Variants in DAPK1 observed in about 807,000 individuals in gnomAD.
DAPK1 encodes the protein death-associated protein kinase 1.
In DAPK1, 56 loss-of-function variants were observed where a neutral mutation model predicts 144.9. The observed-to-expected ratio is 0.39, with a 90% CI of 0.31 to 0.48. The LOEUF (loss-of-function observed/expected upper bound fraction) is 0.48. Among genes scored for constraint, DAPK1 ranks in the 20% least tolerant of loss-of-function variants. The pLI is 0.95. For synonymous variants in DAPK1, 690 were observed against 749.0 expected (o/e 0.92, Z 1.29); for missense variants, 1,454 against 1,875.4 (o/e 0.78, Z 4.15).
chr9:87,565,123 G>A (rs1007188933), intron 2 of DAPK1, among the ~76,000 whole-genome samples: 3 of 152,158 alleles, frequency 2.0e-5, no homozygotes, highest in African/African-American at 7.2e-5. Flanking sequence ...CAAAGGGCCC[G>A]AGGTCACGAA....
chr9:87,517,753 C>T (rs989900325), intron 2 of DAPK1, among the ~76,000 whole-genome samples: 10 of 152,200 alleles, frequency 6.6e-5, no homozygotes, highest in African/African-American at 2.4e-4. Flanking sequence ...CCAGATCACT[C>T]TCTGCTAGCT....
intron 3 of DAPK1, among the ~76,000 whole-genome samples, chr9:87,614,772 G>A (rs4878109): frequency 0.28 from 42,318 of 152,024 alleles, 7,072 homozygotes; most frequent in African/African-American, 0.46. Flanking sequence ...TGTGGCTGCC[G>A]CCATCCTGGC....
At chr9:87,641,775 C>A (rs1172850167) in intron 9 of DAPK1, among the ~76,000 whole-genome samples, 194 bp from the exon 10 acceptor site, 1 of 152,170 alleles carries the variant, frequency 6.6e-6, no homozygotes, top group East Asian at 1.9e-4. Flanking sequence ...ATGGATGATA[C>A]GAAACCCTGA....
At chr9:87,651,490 G>T (rs747683207) in intron 16 of DAPK1, 37 bp from the exon 17 acceptor site, 1 of 1,608,172 alleles carries the variant, frequency 6.2e-7, no homozygotes, top group African/African-American at 1.3e-5. Context: ...ACATGCCCAA[G>T]TGAAAAGCTC....
At chr9:87,612,796 G>C (rs1828973633) in intron 3 of DAPK1, among the ~76,000 whole-genome samples, 1 of 152,180 alleles carries the variant, frequency 6.6e-6, no homozygotes, top group African/African-American at 2.4e-5. Context: ...TGGAGCGGGG[G>C]TGGGGGTTTG....
At chr9:87,614,818 C>T (rs1170486645) in intron 3 of DAPK1, among the ~76,000 whole-genome samples, 1 of 152,186 alleles carries the variant, frequency 6.6e-6, no homozygotes, top group Non-Finnish European at 1.5e-5. Context: ...AGCCAAGTCC[C>T]TTCCAGGCCC....
At chr9:87,641,869 G>A (rs1830108492) in intron 9 of DAPK1, 100 bp from the exon 10 acceptor site, 1 of 873,072 alleles carries the variant, frequency 1.1e-6, no homozygotes, top group Non-Finnish European at 1.8e-6. Flanking sequence ...TAAGGTGAAT[G>A]TGTAAGCATC....
chr9:87,651,764 G>A, intron 17 of DAPK1, 40 bp downstream of exon 17: 3 of 1,573,612 alleles, frequency 1.9e-6, no homozygotes, highest in South Asian at 2.3e-5. Context: ...TTCCAACTGT[G>A]TCCATCCACC....
Position 87,651,548 on chromosome 9 carries a change from C to G in DAPK1, c.1648C>G (p.Leu550Val). 2 of 1,614,180 alleles carry G rather than the reference C, an allele frequency of 1.2e-6. No homozygotes were observed. Among genetic ancestry groups the G allele is most frequent in the Non-Finnish European group, 1.7e-6 (2 of 1,180,028 alleles). The stretch of plus-strand genomic sequence containing the variant: ...CCAGGACGGACACATTGCCCTTCAT[C>G]TGGCTGTAAGACGGTGTCAGATGGA... ...CDKDGHIALH[L>V]AVRRCQMEVI... is the part of the protein sequence containing the mutation. Residue 550 changes from leucine (L) to valine (V), a missense_variant, in exon 17 of 26, where the codon CTG (leucine) becomes GTG (valine). Around this residue, in one of 2 missense-constraint regions of DAPK1, gnomAD observed 1,025 missense variants for 1,237.9 expected, o/e 0.83. Transcript: ENST00000408954.
intron 2 of DAPK1, among the ~76,000 whole-genome samples, chr9:87,515,793 G>T (rs1230184497): frequency 2.0e-5 from 3 of 152,148 alleles, no homozygotes; most frequent in East Asian, 1.9e-4. Flanking sequence ...CTTCCACCAG[G>T]GTGCTCTTGA....
At chr9:87,584,437 A>G (rs1250835340) in intron 2 of DAPK1, among the ~76,000 whole-genome samples, 4 of 152,060 alleles carry the variant, frequency 2.6e-5, no homozygotes, top group Admixed American at 2.6e-4. Context: ...TCTCTTTGAC[A>G]TACTGATTTC....
At chr9:87,570,699 C>T (rs11141896) in intron 2 of DAPK1, among the ~76,000 whole-genome samples, 44,831 of 152,068 alleles carry the variant, frequency 0.29, 6,904 homozygotes, top group Middle Eastern at 0.41. Flanking sequence ...AGTCATCATT[C>T]ATAGCAGTGA....
At chr9:87,671,121 C>T (rs1434192421) in intron 19 of DAPK1, among the ~76,000 whole-genome samples, 3 of 152,184 alleles carry the variant, frequency 2.0e-5, no homozygotes, top group Admixed American at 6.5e-5. Flanking sequence ...CCGTTATCTG[C>T]AGCCTGCTTA....
At chr9:87,704,344 T>C (rs1825559228) in intron 25 of DAPK1, among the ~76,000 whole-genome samples, 1 of 152,212 alleles carries the variant, frequency 6.6e-6, no homozygotes, top group South Asian at 2.1e-4. Context: ...CTAGATCATA[T>C]CATATAGTCT....
chr9:87,672,711 T>G (rs1487368911), intron 19 of DAPK1, among the ~76,000 whole-genome samples: 1 of 152,372 alleles, frequency 6.6e-6, no homozygotes, highest in Middle Eastern at 3.4e-3. Context: ...AATTGCGGTC[T>G]TTCTTCCTTG....
At chr9:87,648,542 T>C in intron 14 of DAPK1, 1 of 473,620 alleles carries the variant, frequency 2.1e-6, no homozygotes, top group Non-Finnish European at 3.8e-6. Context: ...AGCCTTCTCC[T>C]GAGTTGTTTG....
rs936181246 is a variant in DAPK1 at position 87,497,911 on chromosome 9, G to T, written c.-305G>T. 2.5e-6 allele frequency: 1 copy of T among 395,320 alleles called. No individual in the cohort carries two copies. The highest frequency in any genetic ancestry group is 1.4e-4 in the South Asian group (1 of 7,000). 24.5% of individuals were successfully genotyped at this position (395,320 alleles called of 1,614,324 possible). A position where few individuals can be genotyped will look rare whatever the true frequency, so the allele number is the denominator to read the frequency against. ...ACAGCCGGACCGAGCCAACGCCGGG[G>T]ACTTTGTTCCCTCCGCGGAGGGGAC... On this transcript the variant is annotated 5_prime_UTR_variant, in exon 1 of 26. Coordinates refer to ENST00000408954, the MANE Select transcript of DAPK1 (RefSeq NM_004938.4).
intron 8 of DAPK1, 133 bp from the exon 9 acceptor site, chr9:87,640,669 T>C: frequency 9.3e-7 from 1 of 1,077,748 alleles, no homozygotes; most frequent in Non-Finnish European, 1.4e-6. Flanking sequence ...AAAAGACCGA[T>C]GTTGTTTTTG....
chr9:87,627,628 CCTGT>C (rs1829535907), intron 3 of DAPK1, among the ~76,000 whole-genome samples: 1 of 152,180 alleles, frequency 6.6e-6, no homozygotes, highest in Non-Finnish European at 1.5e-5. Context: ...TTACCTGTTT[CCTGT>C]CTAAGAGCCA....
Sources: gnomAD v4.1 joint callset for allele counts (sites outside exome capture counted in the v4.1 genomes callset) on GRCh38, gnomAD v4.1.1 for gene constraint, gnomAD v4.1.1 regional missense constraint, MANE v1.5 for transcripts, NCBI Gene and HGNC (gene_info 2026-07-23, HGNC 2026-07-21) for gene names.